The following H6PD variants were observed in gnomAD, a reference collection of about 807,000 sequenced individuals.
H6PD encodes hexose-6-phosphate dehydrogenase/glucose 1-dehydrogenase.
Under a neutral mutation model 61.2 loss-of-function variants are expected in H6PD, and 48 were observed. The observed-to-expected ratio is 0.78, with a 90% CI of 0.62 to 1.00. H6PD has a LOEUF of 1.00. H6PD is among the 50% of genes least tolerant of loss of function. H6PD has a pLI of 0.00. For missense variants in H6PD, 1,093 were observed against 1,065.0 expected, an observed-to-expected ratio of 1.03 and a Z score of -0.37; for synonymous variants, 480 against 457.9, an observed-to-expected ratio of 1.05 and a Z score of -0.62.
At chr1:9,240,620 C>G (rs551962532) in intron 1 of H6PD, among the ~76,000 whole-genome samples, 30 of 152,272 alleles carry the variant, frequency 2.0e-4, no homozygotes, top group Admixed American at 1.2e-3. Context: ...CAGTGTAATG[C>G]CCCCTCCCCT....
At chr1:9,263,340 G>C (rs978736371) in intron 4 of H6PD, among the ~76,000 whole-genome samples, 169 bp from the exon 5 acceptor site, 7 of 152,124 alleles carry the variant, frequency 4.6e-5, no homozygotes, top group Non-Finnish European at 5.9e-5. Context: ...AGCATGGACT[G>C]GGAAGAGAAG....
intron 1 of H6PD, among the ~76,000 whole-genome samples, chr1:9,243,392 G>C (rs1268415364): frequency 2.0e-5 from 3 of 152,146 alleles, no homozygotes; most frequent in African/African-American, 7.2e-5. Context: ...CCTTTACCTG[G>C]TAAATGCCTG....
rs1419535641 is a variant in H6PD at position 9,237,236 on chromosome 1, C to CTCTTTTTT, written c.-11+2171_-11+2172insCTTTTTTT. ...ACCTTTGGTAAGTTATTTGACTTCT[C>CTCTTTTTT]TTTTTTTTTTTTTTTTTTTTTTTTT... On this transcript the variant is annotated intron_variant, in intron 1 of 4. Coordinates refer to ENST00000377403, the MANE Select transcript of H6PD (RefSeq NM_004285.4). Among the ~76,000 whole-genome samples the CTCTTTTTT allele has an allele frequency of 2.2e-3, 159 of 71,078 alleles. 2 individuals carry two copies. The highest frequency in any genetic ancestry group is 7.2e-3 in the African/African-American group (145 of 20,122). The allele number at this position is 71,078 out of a possible 152,430, so 46.6% of individuals were successfully genotyped here. A position where few individuals can be genotyped will look rare whatever the true frequency, so the allele number is the denominator to read the frequency against.
At chr1:9,255,454 G>A (rs1324312712) in intron 3 of H6PD, among the ~76,000 whole-genome samples, 1 of 151,770 alleles carries the variant, frequency 6.6e-6, no homozygotes, top group Non-Finnish European at 1.5e-5. Flanking sequence ...GCTAATTTTT[G>A]TATTTTTTGT....
At chr1:9,252,580 C>T (rs546845811) in intron 3 of H6PD, among the ~76,000 whole-genome samples, 2 of 152,250 alleles carry the variant, frequency 1.3e-5, no homozygotes, top group South Asian at 2.1e-4. Flanking sequence ...AATTGAGATA[C>T]AATGCACATA....
chr1:9,269,424 GCAGTGT>G lies in H6PD; in HGVS notation c.*4558_*4563del, dbSNP rs1409113891. ...CTGTGAGGGCATCCGAAGCAGTGAT[GCAGTGT>G]CAACCTCCCAGCTGGTGCCACTCTG... On this transcript the variant is annotated 3_prime_UTR_variant, in exon 5 of 5. Transcript: ENST00000377403. The surrounding 1 kb of genome is among the most constrained non-coding windows in gnomAD (Gnocchi z 4.3). The G allele has an allele frequency of 6.6e-6, 1 of 152,344 alleles. No individual in the cohort carries two copies. The highest frequency in any genetic ancestry group is 1.5e-5 in the Non-Finnish European group (1 of 68,104). 9.4% of individuals were successfully genotyped at this position (152,344 alleles called of 1,614,324 possible). A position where few individuals can be genotyped will look rare whatever the true frequency, so the allele number is the denominator to read the frequency against.
intron 3 of H6PD, among the ~76,000 whole-genome samples, chr1:9,250,966 G>A (rs9434736): frequency 1.3e-5 from 2 of 152,156 alleles, no homozygotes; most frequent in Non-Finnish European, 2.9e-5. Context: ...CAGGCCGGAG[G>A]GGGTGGGGAG....
rs768490485 is a variant in H6PD at position 9,263,499 on chromosome 1, C to G, written c.1016-10C>G. Reference sequence around the variant, plus strand: ...CCAGAGAGTCACCCTCTGCTGTTCCCTCACCCCAGCCGTCCTAGTGCACAT... The same window carrying G: ...CCAGAGAGTCACCCTCTGCTGTTCCGTCACCCCAGCCGTCCTAGTGCACAT... On this transcript the variant is annotated splice_polypyrimidine_tract_variant and intron_variant, in intron 4 of 4. Coordinates refer to ENST00000377403, the MANE Select transcript of H6PD (RefSeq NM_004285.4). 6.2e-7 allele frequency: 1 copy of G among 1,613,728 alleles called. No homozygotes were observed. The highest frequency in any genetic ancestry group is 8.5e-7 in the Non-Finnish European group (1 of 1,179,666).
chr1:9,259,214 T>TCCTGACCTCGTGATCCG (rs1448911142), intron 3 of H6PD, among the ~76,000 whole-genome samples: 64 of 152,344 alleles, frequency 4.2e-4, no homozygotes, highest in Non-Finnish European at 3.2e-4. Flanking sequence ...GGTCTCGATC[T>TCCTGACCTCGTGATCCG]CCTGACCTCG....
rs1638486238 is a variant in H6PD at position 9,264,568 on chromosome 1, G to T, written c.2075G>T (p.Gly692Val). The T allele has an allele frequency of 6.2e-7, 1 of 1,613,218 alleles. No individual in the cohort carries two copies. Among genetic ancestry groups the T allele is most frequent in the Non-Finnish European group, 8.5e-7 (1 of 1,179,964 alleles). The change falls in exon 5 of 5, where the codon GGC (glycine) becomes GTC (valine). Residue 692 changes from glycine to valine, a missense_variant. Transcript: ENST00000377403. ...ANSSFDLVLLGMGADGHTASL... is the reference protein window; with the variant it reads ...ANSSFDLVLLVMGADGHTASL... ...AGCAGCTTCGACCTGGTGCTGCTGG[G>T]CATGGGTGCCGACGGGCACACAGCC...
rs568767733 is a variant in H6PD, at chr1:9,247,661, C to T, written c.745+578C>T. On this transcript the variant is annotated intron_variant, in intron 3 of 4. Transcript: ENST00000377403. ...GTCTCTTCTGCCAGCCTGTAGGCTC[C>T]AGGAGGACACCGCCTCTCCCGCACT... Among the ~76,000 whole-genome samples, 4 of 152,226 alleles carry T rather than the reference C, an allele frequency of 2.6e-5. No homozygotes were observed. In the East Asian group the frequency reaches 7.8e-4, roughly 30 times the overall value.
chr1:9,242,464 T>G (rs1641025820), intron 1 of H6PD: 2 of 466,904 alleles, frequency 4.3e-6, no homozygotes, highest in Non-Finnish European at 2.8e-6. Context: ...TTGGATTTGT[T>G]TAAAGGAGTG....
chr1:9,243,908 G>A (rs1279884959), intron 1 of H6PD, among the ~76,000 whole-genome samples: 1 of 152,124 alleles, frequency 6.6e-6, no homozygotes, highest in East Asian at 1.9e-4. Context: ...GGGTCAAGAG[G>A]CAGATTTGGT....
intron 1 of H6PD, among the ~76,000 whole-genome samples, chr1:9,239,502 C>T (rs1048631016): frequency 6.6e-6 from 1 of 152,070 alleles, no homozygotes; most frequent in Non-Finnish European, 1.5e-5. Context: ...ATAAATGGAC[C>T]AGAACAGGAA....
At chr1:9,242,094 GTC>G (rs1641015598) in intron 1 of H6PD, among the ~76,000 whole-genome samples, 1 of 152,200 alleles carries the variant, frequency 6.6e-6, no homozygotes, top group Non-Finnish European at 1.5e-5. Flanking sequence ...GGATCAGAAT[GTC>G]TCTGTCTTGA....
At chr1:9,237,236 C>CTCTTTTTTTTTT (rs1419535641) in intron 1 of H6PD, among the ~76,000 whole-genome samples, 6 of 71,084 alleles carry the variant, frequency 8.4e-5, no homozygotes, top group African/African-American at 2.5e-4. Context: ...TTTGACTTCT[C>CTCTTTTTTTTTT]TTTTTTTTTT....
At chr1:9,235,666 A>G (rs1369640575) in intron 1 of H6PD, among the ~76,000 whole-genome samples, 1 of 152,238 alleles carries the variant, frequency 6.6e-6, no homozygotes. Context: ...GCTGGAGTAC[A>G]GTGGCACAAA....
In H6PD at chr1:9,270,544, G is replaced by A. The variant is rs1403330634; in HGVS notation, c.*5675G>A. 1 of 152,262 alleles carries A rather than the reference G, an allele frequency of 6.6e-6. No homozygotes were observed. Among genetic ancestry groups the A allele is most frequent in the Non-Finnish European group, 1.5e-5 (1 of 68,078 alleles). 9.4% of individuals were successfully genotyped at this position (152,262 alleles called of 1,614,324 possible). A position where few individuals can be genotyped will look rare whatever the true frequency, so the allele number is the denominator to read the frequency against. On this transcript the variant is annotated 3_prime_UTR_variant, in exon 5 of 5. Coordinates refer to ENST00000377403, the MANE Select transcript of H6PD (RefSeq NM_004285.4). The stretch of plus-strand genomic sequence containing the variant: ...CCCTCCTAGTTCTGTCCACCGGGAA[G>A]AGCCGGCTGGCGGCAGATCCCCAGG...
chr1:9,261,968 T>A (rs1638318273), intron 3 of H6PD, 91 bp from the exon 4 acceptor site: 1 of 1,289,594 alleles, frequency 7.8e-7, no homozygotes, highest in African/African-American at 1.5e-5. Flanking sequence ...GCAGGATGAA[T>A]GTGCGGGCTG....
Sources: gnomAD v4.1 joint callset for allele counts (sites outside exome capture counted in the v4.1 genomes callset) on GRCh38, gnomAD v4.1.1 for gene constraint, Gnocchi (gnomAD v3.1) non-coding constraint, MANE v1.5 for transcripts, NCBI Gene and HGNC (gene_info 2026-07-23, HGNC 2026-07-21) for gene names.